The following STK10 variants were observed in gnomAD, a reference collection of about 807,000 sequenced individuals.
STK10 encodes the protein serine/threonine kinase 10.
STK10 carries 78 observed loss-of-function variants against 113.8 expected under a neutral mutation model. The observed-to-expected ratio is 0.69, with a 90% CI of 0.57 to 0.83. The LOEUF (loss-of-function observed/expected upper bound fraction) is 0.83. Among genes scored for constraint, STK10 ranks in the 40% least tolerant of loss-of-function variants. The pLI is 0.00. For synonymous variants in STK10, 465 were observed against 494.7 expected, an observed-to-expected ratio of 0.94 and a Z score of 0.80; for missense variants, 1,109 against 1,280.1, an observed-to-expected ratio of 0.87 and a Z score of 2.04.
At chr5:172,080,581 G>T (rs1768406635) in intron 12 of STK10, among the ~76,000 whole-genome samples, 1 of 152,262 alleles carries the variant, frequency 6.6e-6, no homozygotes, top group African/African-American at 2.4e-5. Flanking sequence ...ACTTTGAGTG[G>T]TCTGGGTAGA....
intron 1 of STK10, among the ~76,000 whole-genome samples, chr5:172,176,195 C>G (rs1770754894): frequency 6.6e-6 from 1 of 152,198 alleles, no homozygotes; most frequent in African/African-American, 2.4e-5. Flanking sequence ...TAAGTAAATT[C>G]CTCAGCATCA....
At position 172,093,455 on chromosome 5, in the gene STK10, G is replaced by A; in HGVS notation, c.1511C>T (p.Thr504Ile). Reference protein sequence around the residue: ...ESMDYGTNLSTDLSLNKEMGS... With the variant: ...ESMDYGTNLSIDLSLNKEMGS... Reference sequence around the variant, plus strand: ...CATCTCTTTGTTCAGCGACAGGTCAGTGGAGAGATTGGTACCATAGTCCAT... The same window carrying A: ...CATCTCTTTGTTCAGCGACAGGTCAATGGAGAGATTGGTACCATAGTCCAT... Residue 504 changes from threonine to isoleucine, a missense_variant, in exon 9 of 19, where the codon ACT (threonine) becomes ATT (isoleucine). Thr to Ile is a moderately conservative substitution (Grantham distance 89). Transcript: ENST00000176763. The surrounding 1 kb of genome is among the most constrained non-coding windows in gnomAD (Gnocchi z 4.1). The A allele has an allele frequency of 6.2e-7, 1 of 1,613,544 alleles. No homozygotes were observed. The highest frequency in any genetic ancestry group is 2.2e-5 in the East Asian group (1 of 44,856).
intron 2 of STK10, among the ~76,000 whole-genome samples, chr5:172,151,522 T>C (rs1770233429): frequency 6.6e-6 from 1 of 152,128 alleles, no homozygotes; most frequent in Admixed American, 6.5e-5. Context: ...AACTTTTGTA[T>C]TTTTAGTAGA....
At chr5:172,084,325 G>A (rs565792337) in intron 10 of STK10, among the ~76,000 whole-genome samples, 139 of 152,102 alleles carry the variant, frequency 9.1e-4, no homozygotes, top group Non-Finnish European at 1.3e-3. Flanking sequence ...GCTTGAATCC[G>A]GGAGGCGGAG....
intron 8 of STK10, 97 bp downstream of exon 8, chr5:172,096,329 C>T: frequency 4.5e-6 from 7 of 1,549,686 alleles, no homozygotes; most frequent in Non-Finnish European, 6.1e-6. Flanking sequence ...ATTGCCTGAG[C>T]CAGAGTCCTG....
intron 3 of STK10, among the ~76,000 whole-genome samples, chr5:172,126,082 C>T (rs1186198371): frequency 6.6e-6 from 1 of 152,162 alleles, no homozygotes; most frequent in Non-Finnish European, 1.5e-5. Context: ...TCTGGGCCAT[C>T]CCAGAATCCT....
intron 12 of STK10, among the ~76,000 whole-genome samples, chr5:172,065,033 G>A (rs1361879587): frequency 6.6e-6 from 1 of 152,194 alleles, no homozygotes; most frequent in Non-Finnish European, 1.5e-5. Flanking sequence ...CTCCCCCAGA[G>A]TGGGCAGGTG....
chr5:172,050,932 C>T (rs747033571), intron 18 of STK10, among the ~76,000 whole-genome samples: 9 of 152,000 alleles, frequency 5.9e-5, no homozygotes, highest in African/African-American at 2.4e-5. Flanking sequence ...AGGCTGGTCT[C>T]GAACTCCTGG....
Position 172,106,769 on chromosome 5 carries a change from G to A in STK10, c.639C>T (p.Pro213=). 6.2e-7 allele frequency: 1 copy of A among 1,614,182 alleles called. No individual in the cohort carries two copies. Residue 213 remains proline (P), a synonymous_variant, in exon 6 of 19, where the codon CCC becomes CCT. Transcript: ENST00000176763. ...VVMCETMKDT[P]YDYKADIWSL... ...ACCAGATGTCGGCTTTGTAGTCGTAGGGCGTGTCTTTCATGGTCTCACACA... is the reference window on the plus strand; with the variant it reads ...ACCAGATGTCGGCTTTGTAGTCGTAAGGCGTGTCTTTCATGGTCTCACACA...
chr5:172,044,601 A>G lies in STK10; in HGVS notation c.*281T>C, dbSNP rs1244584901. 4.0e-6 allele frequency: 2 copies of G among 502,822 alleles called. No homozygotes were observed. The highest frequency in any genetic ancestry group is 3.3e-5 in the Admixed American group (1 of 30,406). The allele number at this position is 502,822 out of a possible 1,614,324, so 31.1% of individuals were successfully genotyped here. Reference sequence around the variant, plus strand: ...TTCCTCTTGGACCCTGACCCCACCAACAGCCCCATCCCTTCCAGCTTGAAG... The same window carrying G: ...TTCCTCTTGGACCCTGACCCCACCAGCAGCCCCATCCCTTCCAGCTTGAAG... On this transcript the variant is annotated 3_prime_UTR_variant, in exon 19 of 19. Coordinates refer to ENST00000176763, the MANE Select transcript of STK10 (RefSeq NM_005990.4). The surrounding 1 kb of genome is among the most constrained non-coding windows in gnomAD (Gnocchi z 4.5).
At chr5:172,105,094 T>C (rs1175997132) in intron 7 of STK10, among the ~76,000 whole-genome samples, 1 of 152,068 alleles carries the variant, frequency 6.6e-6, no homozygotes, top group Non-Finnish European at 1.5e-5. Flanking sequence ...CCATCGAGCC[T>C]TGGGACAGAC....
chr5:172,122,871 C>A (rs761614802), intron 3 of STK10, among the ~76,000 whole-genome samples: 4 of 152,196 alleles, frequency 2.6e-5, no homozygotes, highest in African/African-American at 9.6e-5. Context: ...GATCCACCCG[C>A]CTCGGCCTCC....
At chr5:172,083,381 CTATA>C (rs1768476549) in intron 10 of STK10, among the ~76,000 whole-genome samples, 1 of 152,082 alleles carries the variant, frequency 6.6e-6, no homozygotes, top group South Asian at 2.1e-4. Flanking sequence ...TTAGAATCAC[CTATA>C]TAGATATAAA....
chr5:172,163,683 A>T (rs1040070726), intron 1 of STK10, among the ~76,000 whole-genome samples: 1 of 152,080 alleles, frequency 6.6e-6, no homozygotes, highest in Non-Finnish European at 1.5e-5. Context: ...TCATTCAACC[A>T]CTATTTACTT....
At chr5:172,086,414 A>G (rs1256481905) in intron 10 of STK10, among the ~76,000 whole-genome samples, 1 of 152,174 alleles carries the variant, frequency 6.6e-6, no homozygotes, top group African/African-American at 2.4e-5. Context: ...AGAACTGACA[A>G]AAAGCCTAAA....
At chr5:172,089,733 A>C (rs989154521) in intron 10 of STK10, among the ~76,000 whole-genome samples, 1 of 151,652 alleles carries the variant, frequency 6.6e-6, no homozygotes, top group Non-Finnish European at 1.5e-5. Context: ...GAGTGGGTAG[A>C]TGAATCAGTG....
chr5:172,101,387 C>T (rs1344767335), intron 7 of STK10, among the ~76,000 whole-genome samples: 2 of 151,264 alleles, frequency 1.3e-5, no homozygotes, highest in Non-Finnish European at 1.5e-5. Context: ...AGGAGAATCA[C>T]TTGAACCCAG....
chr5:172,091,722 C>A (rs1768711422), intron 9 of STK10, among the ~76,000 whole-genome samples: 1 of 152,106 alleles, frequency 6.6e-6, no homozygotes, highest in Non-Finnish European at 1.5e-5. Context: ...TAAGTAGAGA[C>A]AGGGTTTCAC....
intron 5 of STK10, 88 bp from the exon 6 acceptor site, chr5:172,106,902 C>A: frequency 7.2e-7 from 1 of 1,384,842 alleles, no homozygotes; most frequent in Non-Finnish European, 9.8e-7. Context: ...CACCACGAGC[C>A]ACTGTCGGGG....
Sources: allele counts gnomAD v4.1 joint callset (sites outside exome capture counted in the v4.1 genomes callset), GRCh38; gene constraint gnomAD v4.1.1; non-coding constraint Gnocchi (gnomAD v3.1); transcripts MANE v1.5; gene names NCBI Gene and HGNC (gene_info 2026-07-23, HGNC 2026-07-21).